The following PDPK1 variants were observed in gnomAD, a reference collection of about 807,000 sequenced individuals.
PDPK1 encodes the protein 3-phosphoinositide dependent protein kinase 1, also known as 3-phosphoinositide-dependent protein kinase 1.
In PDPK1, 7 loss-of-function variants were observed where a neutral mutation model predicts 39.8. That is an observed-to-expected ratio of 0.18 (90% CI 0.10 to 0.33). The LOEUF is 0.33. Among genes scored for constraint, PDPK1 ranks in the 10% least tolerant of loss-of-function variants. The pLI, the probability that PDPK1 is intolerant of heterozygous loss-of-function variation, is 1.00. For synonymous variants in PDPK1, 118 were observed against 159.1 expected, an observed-to-expected ratio of 0.74 and a Z score of 1.95; for missense variants, 182 against 384.7, an observed-to-expected ratio of 0.47 and a Z score of 4.41.
rs925753249 is a variant in PDPK1 at position 2,601,907 on chromosome 16, G to A, written c.*4140G>A. On this transcript the variant is annotated 3_prime_UTR_variant, in exon 14 of 14. Transcript: ENST00000342085. Reference sequence around the variant, plus strand: ...GATTCTTCATTTCTCCACTGTAGTTGGGGTCCATTGATTGTGCAGGGGAAC... The same window carrying A: ...GATTCTTCATTTCTCCACTGTAGTTAGGGTCCATTGATTGTGCAGGGGAAC... 4.3e-6 allele frequency: 1 copy of A among 232,376 alleles called. No individual in the cohort carries two copies. The highest frequency in any genetic ancestry group is 2.2e-5 in the African/African-American group (1 of 45,036). 14.4% of individuals were successfully genotyped at this position (232,376 alleles called of 1,614,324 possible). A position where few individuals can be genotyped will look rare whatever the true frequency, so the allele number is the denominator to read the frequency against.
Position 2,599,951 on chromosome 16 carries a change from CTAGGGGCT to C in PDPK1, c.*2185_*2192del, listed in dbSNP as rs1282135137. The C allele has an allele frequency of 4.3e-6, 1 of 233,218 alleles. No individual in the cohort carries two copies. The highest frequency in any genetic ancestry group is 8.5e-6 in the Non-Finnish European group (1 of 118,088). 14.4% of individuals were successfully genotyped at this position (233,218 alleles called of 1,614,324 possible). A position where few individuals can be genotyped will look rare whatever the true frequency, so the allele number is the denominator to read the frequency against. ...CATCTTAACCTCCAAAGCCACAGAA[CTAGGGGCT>C]CAGAGCCAGAGCTGGCAGCCGCCAG... On this transcript the variant is annotated 3_prime_UTR_variant, in exon 14 of 14. Coordinates refer to ENST00000342085, the MANE Select transcript of PDPK1 (RefSeq NM_002613.5).
At chr16:2,569,595 T>C (rs1490656849) in intron 6 of PDPK1, 1 of 150,014 alleles carries the variant, frequency 6.7e-6, no homozygotes, top group Non-Finnish European at 1.5e-5. Flanking sequence ...GGCCAGTTGC[T>C]TGTGCGTATA....
intron 1 of PDPK1, among the ~76,000 whole-genome samples, chr16:2,544,590 A>AT (rs898722185): frequency 8.1e-5 from 12 of 148,494 alleles, no homozygotes; most frequent in Non-Finnish European, 9.0e-5. Context: ...CCTCCCCCAA[A>AT]TTTTTTTTTT....
At chr16:2,543,190 C>CGGTGATTCCA (rs2066273641) in intron 1 of PDPK1, among the ~76,000 whole-genome samples, 1 of 9,496 alleles carries the variant, frequency 1.1e-4, no homozygotes, top group African/African-American at 5.4e-4. Flanking sequence ...AGTTCTGCCT[C>CGGTGATTCCA]GGTGATTCCA....
At chr16:2,591,091 G>T (rs2066981228) in intron 11 of PDPK1, among the ~76,000 whole-genome samples, 1 of 151,958 alleles carries the variant, frequency 6.6e-6, no homozygotes, top group Admixed American at 6.6e-5. Flanking sequence ...GCCTCCCGAG[G>T]AGCTGGGATT....
At position 2,598,190 on chromosome 16, in the gene PDPK1, G is replaced by A. The variant is rs926780855; in HGVS notation, c.*423G>A. On this transcript the variant is annotated 3_prime_UTR_variant, in exon 14 of 14. Coordinates refer to ENST00000342085, the MANE Select transcript of PDPK1 (RefSeq NM_002613.5). ...GTGGCCGAGGGGACCGGGTGTGTTTGGCTCTTTATGCCCCTCCCGCTGTGG... is the reference window on the plus strand; with the variant it reads ...GTGGCCGAGGGGACCGGGTGTGTTTAGCTCTTTATGCCCCTCCCGCTGTGG... 2.4e-4 allele frequency: 58 copies of A among 242,482 alleles called. 1 individual carries two copies. The highest frequency in any genetic ancestry group is 8.9e-5 in the Non-Finnish European group (11 of 124,112). The allele number at this position is 242,482 out of a possible 1,614,324, so 15.0% of individuals were successfully genotyped here.
Position 2,597,147 on chromosome 16 carries a change from C to A in PDPK1, c.1426C>A (p.Leu476Met). 1.3e-6 allele frequency: 2 copies of A among 1,568,098 alleles called. No individual in the cohort carries two copies. The highest frequency in any genetic ancestry group is 1.8e-5 in the Admixed American group (1 of 56,278). Residue 476 changes from leucine (L) to methionine (M), a missense_variant, in exon 13 of 14, where the codon CTG (leucine) becomes ATG (methionine). Physicochemically the swap from Leu to Met is conservative, Grantham distance 15. This residue lies in a region of PDPK1 where 3 missense variants were observed against 22.6 expected (regional missense o/e 0.13). Transcript: ENST00000342085. This position sits in a 1 kb window ranked among gnomAD's most constrained non-coding sequence, Gnocchi z 6.3. ...RKGLFARRRQ[L>M]LLTEGPHLYY... ...GGGTTTATTTGCAAGACGACGACAG[C>A]TGTTGCTCACAGAAGGACCACATTT...
At position 2,602,885 on chromosome 16, in the gene PDPK1, C is replaced by T. The variant is rs1278459608; in HGVS notation, c.*5118C>T. ...TGCTGGCTATTGTTGGCCTCTAGTT[C>T]AGTCTGTGTTATTTAAATTCTAATA... is the stretch of plus-strand genomic sequence containing the variant. On this transcript the variant is annotated 3_prime_UTR_variant, in exon 14 of 14. Transcript: ENST00000342085. 4.3e-6 allele frequency: 1 copy of T among 232,926 alleles called. No homozygotes were observed. Among genetic ancestry groups the T allele is most frequent in the African/African-American group, 2.2e-5 (1 of 45,260 alleles). The allele number at this position is 232,926 out of a possible 1,614,324, so 14.4% of individuals were successfully genotyped here.
intron 11 of PDPK1, among the ~76,000 whole-genome samples, chr16:2,595,159 A>G (rs1374016917): frequency 1.3e-5 from 2 of 152,206 alleles, no homozygotes; most frequent in East Asian, 3.9e-4. Context: ...AGGAATCAAA[A>G]GTGACGTGTG....
chr16:2,540,271 A>C (rs2066220305), intron 1 of PDPK1, among the ~76,000 whole-genome samples: 1 of 152,206 alleles, frequency 6.6e-6, no homozygotes, highest in South Asian at 2.1e-4. Flanking sequence ...GCGAGCGTGA[A>C]GGCAGACAGT....
In PDPK1 at chr16:2,597,578, G is replaced by T. The variant is rs1343125760; in HGVS notation, c.1555-73G>T. On this transcript the variant is annotated intron_variant, in intron 13 of 13. Transcript: ENST00000342085. The surrounding 1 kb of genome is among the most constrained non-coding windows in gnomAD (Gnocchi z 6.3). ...CAGGACTCGGAATGGCTGGTCGCAG[G>T]CAGCTCACCAGGTTGGGGTGGGGGT... 2 of 1,078,492 alleles carry T rather than the reference G, an allele frequency of 1.9e-6. No individual in the cohort carries two copies. Among genetic ancestry groups the T allele is most frequent in the African/African-American group, 3.1e-5 (2 of 64,616 alleles). 66.8% of individuals were successfully genotyped at this position (1,078,492 alleles called of 1,614,324 possible). A position where few individuals can be genotyped will look rare whatever the true frequency, so the allele number is the denominator to read the frequency against.
At chr16:2,595,427 G>T (rs977802925) in intron 11 of PDPK1, among the ~76,000 whole-genome samples, 1 of 152,152 alleles carries the variant, frequency 6.6e-6, no homozygotes, top group African/African-American at 2.4e-5. Context: ...GCCACCTTTC[G>T]GGAGGCAGTT....
intron 10 of PDPK1, among the ~76,000 whole-genome samples, chr16:2,585,321 G>C (rs2066845003): frequency 6.6e-6 from 1 of 152,214 alleles, no homozygotes; most frequent in Non-Finnish European, 1.5e-5. Context: ...GAAAGCCTTG[G>C]AGTGGGTCCA....
At chr16:2,562,072 T>TG in intron 4 of PDPK1, 164 bp downstream of exon 4, 1 of 292,562 alleles carries the variant, frequency 3.4e-6, no homozygotes, top group Middle Eastern at 1.0e-3. Context: ...AGGGTGTGGC[T>TG]GGGAGTCTGC....
At chr16:2,538,621 T>C (rs1389338475) in intron 1 of PDPK1, 7 of 1,288,900 alleles carry the variant, frequency 5.4e-6, no homozygotes, top group Non-Finnish European at 7.1e-6. Flanking sequence ...TTTTCCAGAT[T>C]CTTGATGACA....
chr16:2,539,897 A>G (rs1258508080), intron 1 of PDPK1, among the ~76,000 whole-genome samples: 4 of 152,180 alleles, frequency 2.6e-5, no homozygotes, highest in Non-Finnish European at 5.9e-5. Flanking sequence ...CATGATGGAC[A>G]TTTCATATCT....
chr16:2,601,406 C>T lies in PDPK1; in HGVS notation c.*3639C>T, dbSNP rs2067212314. 3 of 234,684 alleles carry T rather than the reference C, an allele frequency of 1.3e-5. No individual in the cohort carries two copies. The highest frequency in any genetic ancestry group is 2.5e-5 in the Non-Finnish European group (3 of 117,958). The allele number at this position is 234,684 out of a possible 1,614,324, so 14.5% of individuals were successfully genotyped here. A position where few individuals can be genotyped will look rare whatever the true frequency, so the allele number is the denominator to read the frequency against. ...ATTTCCTTGTTTTGGTTGCAAGAAC[C>T]TGGCTCTGCCTGCATGTCAGCTCTC... is the stretch of plus-strand genomic sequence containing the variant. On this transcript the variant is annotated 3_prime_UTR_variant, in exon 14 of 14. Transcript: ENST00000342085.
Position 2,543,816 on chromosome 16 carries a change from G to T in PDPK1, c.24+5680G>T, listed in dbSNP as rs115492277. On this transcript the variant is annotated intron_variant, in intron 1 of 13. Transcript: ENST00000342085. ...GGCTCACCGCAACCTCCGTCTTTCA[G>T]GTTGAAGCAATTCTCCTACTTCAGC... Among the ~76,000 whole-genome samples, 834 of 152,248 alleles carry T rather than the reference G, an allele frequency of 5.5e-3. 8 individuals are homozygous for T. Among genetic ancestry groups the T allele is most frequent in the African/African-American group, 0.018 (767 of 41,538 alleles).
chr16:2,585,624 G>A (rs1325208854), intron 10 of PDPK1, among the ~76,000 whole-genome samples: 1 of 152,218 alleles, frequency 6.6e-6, no homozygotes, highest in Non-Finnish European at 1.5e-5. Flanking sequence ...CAAGCAGGCT[G>A]GGCAGGCCCA....
Sources: allele counts gnomAD v4.1 joint callset (sites outside exome capture counted in the v4.1 genomes callset), GRCh38; gene constraint gnomAD v4.1.1; regional missense constraint gnomAD v4.1.1; non-coding constraint Gnocchi (gnomAD v3.1); transcripts MANE v1.5; gene names NCBI Gene and HGNC (gene_info 2026-07-23, HGNC 2026-07-21).